Variants in KIRREL1 observed in about 807,000 individuals in gnomAD.
The protein encoded by KIRREL1 is kin of IRRE-like protein 1.
Under a neutral mutation model 83.3 loss-of-function variants are expected in KIRREL1, and 25 were observed. That is an observed-to-expected ratio of 0.30 (90% CI 0.22 to 0.42). KIRREL1 has a LOEUF of 0.42. Among genes scored for constraint, KIRREL1 ranks in the 10% least tolerant of loss-of-function variants. The probability of loss-of-function intolerance (pLI) is 1.00; values close to 1 mark genes in which losing one functional copy is unlikely to be tolerated. For missense variants in KIRREL1, 812 were observed against 1,032.3 expected (o/e 0.79, Z 2.92); for synonymous variants, 388 against 410.4 (o/e 0.95, Z 0.66).
intron 1 of KIRREL1, among the ~76,000 whole-genome samples, chr1:158,051,240 C>T (rs1363527272): frequency 2.6e-5 from 4 of 152,190 alleles, no homozygotes; most frequent in Non-Finnish European, 5.9e-5. Flanking sequence ...TGTGCCTGTG[C>T]TTATGCTGTT....
In KIRREL1 at chr1:158,097,026, A is replaced by T; in HGVS notation, c.*1906A>T. The T allele has an allele frequency of 2.2e-6, 1 of 456,952 alleles. No homozygotes were observed. The allele number at this position is 456,952 out of a possible 1,614,324, so 28.3% of individuals were successfully genotyped here. On this transcript the variant is annotated 3_prime_UTR_variant, in exon 15 of 15. Coordinates refer to ENST00000359209, the MANE Select transcript of KIRREL1 (RefSeq NM_018240.7). The stretch of plus-strand genomic sequence containing the variant: ...ACCAGATAATACCCAGGAAGCAAGT[A>T]GCTCTAATTTTAACTTCACAGGAAG...
chr1:158,072,911 C>A (rs954321674), intron 1 of KIRREL1, among the ~76,000 whole-genome samples: 2 of 151,872 alleles, frequency 1.3e-5, no homozygotes, highest in Non-Finnish European at 2.9e-5. Context: ...AGTAGCATTA[C>A]AATGTAAAAG....
intron 1 of KIRREL1, among the ~76,000 whole-genome samples, chr1:158,057,964 A>G (rs1454619902): frequency 6.6e-6 from 1 of 152,200 alleles, no homozygotes; most frequent in African/African-American, 2.4e-5. Flanking sequence ...GTGAATTATT[A>G]GGTAAAGAGA....
At chr1:158,089,396 T>G in intron 8 of KIRREL1, 106 bp from the exon 9 acceptor site, 1 of 1,557,874 alleles carries the variant, frequency 6.4e-7, no homozygotes, top group Non-Finnish European at 8.7e-7. Context: ...GGGAATTCAC[T>G]TGTGGCCCTT....
At chr1:158,062,679 A>T (rs1188982811) in intron 1 of KIRREL1, among the ~76,000 whole-genome samples, 1 of 152,236 alleles carries the variant, frequency 6.6e-6, no homozygotes, top group African/African-American at 2.4e-5. Flanking sequence ...AGACAGGTGA[A>T]TGCAAACAAG....
At chr1:158,090,901 C>T (rs1181963937) in intron 10 of KIRREL1, among the ~76,000 whole-genome samples, 1 of 152,142 alleles carries the variant, frequency 6.6e-6, no homozygotes, top group Non-Finnish European at 1.5e-5. Context: ...GACAGGGAGG[C>T]CACACAGGGG....
intron 1 of KIRREL1, among the ~76,000 whole-genome samples, chr1:157,996,773 T>G (rs1659218004): frequency 6.6e-6 from 1 of 152,218 alleles, no homozygotes; most frequent in South Asian, 2.1e-4. Flanking sequence ...ACCAGGACAC[T>G]GGGTTCCTCT....
intron 1 of KIRREL1, among the ~76,000 whole-genome samples, chr1:158,004,462 G>A (rs1382000009): frequency 6.6e-6 from 1 of 152,198 alleles, no homozygotes; most frequent in East Asian, 1.9e-4. Context: ...GCAGCACAGT[G>A]TAATGGAAAG....
intron 1 of KIRREL1, among the ~76,000 whole-genome samples, chr1:158,044,589 C>T (rs1485592763): frequency 6.6e-6 from 1 of 152,158 alleles, no homozygotes; most frequent in Non-Finnish European, 1.5e-5. Context: ...ACCTTTGTCT[C>T]CCGGATTCAA....
chr1:158,036,799 T>C (rs1436535452), intron 1 of KIRREL1, among the ~76,000 whole-genome samples: 2 of 152,012 alleles, frequency 1.3e-5, no homozygotes, highest in Non-Finnish European at 2.9e-5. Context: ...AAGTAGGGGA[T>C]AGAGAGGGCA....
intron 1 of KIRREL1, among the ~76,000 whole-genome samples, chr1:158,042,489 G>A (rs140039057): frequency 2.7e-4 from 41 of 152,208 alleles, no homozygotes; most frequent in South Asian, 1.2e-3. Context: ...TTCCACATGC[G>A]TAATATGGGA....
At chr1:158,071,282 G>A (rs751046989) in intron 1 of KIRREL1, among the ~76,000 whole-genome samples, 5 of 152,096 alleles carry the variant, frequency 3.3e-5, no homozygotes, top group East Asian at 1.9e-4. Flanking sequence ...CTGCCTCTGC[G>A]TGGGTGTCTG....
chr1:158,023,351 C>A (rs1660057957), intron 1 of KIRREL1, among the ~76,000 whole-genome samples: 1 of 152,202 alleles, frequency 6.6e-6, no homozygotes, highest in South Asian at 2.1e-4. Flanking sequence ...ATTCAGCAAG[C>A]ATTTATTGAG....
At chr1:158,045,157 G>A (rs1375136808) in intron 1 of KIRREL1, among the ~76,000 whole-genome samples, 5 of 151,670 alleles carry the variant, frequency 3.3e-5, no homozygotes, top group Admixed American at 6.6e-5. Flanking sequence ...AGGGAGGTGA[G>A]CAGGGGAACT....
intron 1 of KIRREL1, among the ~76,000 whole-genome samples, chr1:158,031,514 C>G (rs890044020): frequency 6.6e-6 from 1 of 152,132 alleles, no homozygotes. Flanking sequence ...AGTTCCAGTC[C>G]CTCTCTGTCA....
intron 1 of KIRREL1, among the ~76,000 whole-genome samples, chr1:158,043,154 G>T (rs1402972477): frequency 6.6e-6 from 1 of 151,834 alleles, no homozygotes; most frequent in Non-Finnish European, 1.5e-5. Context: ...AACACCTACT[G>T]CGAGGAAGCA....
intron 3 of KIRREL1, among the ~76,000 whole-genome samples, chr1:158,083,188 T>A (rs1246540353): frequency 6.6e-6 from 1 of 152,234 alleles, no homozygotes; most frequent in Non-Finnish European, 1.5e-5. Context: ...TTTAAACATT[T>A]AGCAAGAGCC....
intron 1 of KIRREL1, among the ~76,000 whole-genome samples, chr1:158,039,757 A>G (rs931090606): frequency 4.6e-5 from 7 of 152,072 alleles, no homozygotes; most frequent in East Asian, 3.9e-4. Flanking sequence ...TTGATTGTCT[A>G]TTTCTAGGTC....
intron 1 of KIRREL1, among the ~76,000 whole-genome samples, chr1:158,040,863 A>G (rs1332420657): frequency 3.3e-5 from 5 of 152,160 alleles, no homozygotes; most frequent in Admixed American, 2.6e-4. Context: ...TGACCAGCTA[A>G]GGATTTTGAA....
Sources: allele counts gnomAD v4.1 joint callset (sites outside exome capture counted in the v4.1 genomes callset), GRCh38; gene constraint gnomAD v4.1.1; transcripts MANE v1.5; gene names NCBI Gene and HGNC (gene_info 2026-07-23, HGNC 2026-07-21).